KMT5B: variants seen among roughly 807,000 people sequenced by gnomAD.
The protein encoded by KMT5B is lysine methyltransferase 5B, also known as histone-lysine N-methyltransferase KMT5B.
In KMT5B, 10 loss-of-function variants were observed where a neutral mutation model predicts 83.2. That is an observed-to-expected ratio of 0.12 (90% CI 0.07 to 0.20). KMT5B has a LOEUF of 0.20. KMT5B is among the 10% of genes least tolerant of loss of function. The pLI, the probability that KMT5B is intolerant of heterozygous loss-of-function variation, is 1.00. For missense variants in KMT5B, 753 were observed against 1,067.2 expected (o/e 0.71, Z 4.10); for synonymous variants, 349 against 388.8 (o/e 0.90, Z 1.20).
chr11:68,201,533 T>TA (rs1361673821), intron 1 of KMT5B, among the ~76,000 whole-genome samples: 1 of 152,056 alleles, frequency 6.6e-6, no homozygotes, highest in East Asian at 1.9e-4. Context: ...CATTTTTACT[T>TA]AAACACAGGC....
In KMT5B at chr11:68,156,385, TAATTA is replaced by T. The variant is rs1565210297; in HGVS notation, c.*1298_*1302del. ...AGTAATAAAAATTTGCTCATTAAGT[TAATTA>T]AAATTAATTTCTCAAAGTGCTTCAA... On this transcript the variant is annotated 3_prime_UTR_variant, in exon 11 of 11. Transcript: ENST00000304363. The T allele has an allele frequency of 6.6e-6, 1 of 152,596 alleles. No homozygotes were observed. Among genetic ancestry groups the T allele is most frequent in the East Asian group, 1.9e-4 (1 of 5,200 alleles). The allele number at this position is 152,596 out of a possible 1,614,324, so 9.5% of individuals were successfully genotyped here.
At chr11:68,188,025 T>TC (rs1857605250) in intron 2 of KMT5B, among the ~76,000 whole-genome samples, 1 of 151,078 alleles carries the variant, frequency 6.6e-6, no homozygotes, top group Non-Finnish European at 1.5e-5. Flanking sequence ...TTTTCCTTTT[T>TC]CTTTTTTTTT....
chr11:68,170,971 T>A, intron 9 of KMT5B, 44 bp downstream of exon 9: 1 of 1,549,976 alleles, frequency 6.5e-7, no homozygotes, highest in Non-Finnish European at 8.7e-7. Flanking sequence ...AATCAGGTTG[T>A]TAACAAAAAA....
chr11:68,174,935 A>G, intron 5 of KMT5B, 83 bp downstream of exon 5: 1 of 1,209,218 alleles, frequency 8.3e-7, no homozygotes, highest in Non-Finnish European at 1.2e-6. Context: ...TTAAAATTTC[A>G]GTATTAACTA....
Position 68,157,015 on chromosome 11 carries a change from C to T in KMT5B, c.*673G>A, listed in dbSNP as rs552197711. On this transcript the variant is annotated 3_prime_UTR_variant, in exon 11 of 11. Transcript: ENST00000304363. ...TAATTTACATGACAAGCAATAAATA[C>T]GCTGTATCGAACCTCATCCCACACA... 7.9e-5 allele frequency: 12 copies of T among 151,710 alleles called. No homozygotes were observed. The South Asian group carries it at 8.3e-4, about 11-fold the overall frequency. 9.4% of individuals were successfully genotyped at this position (151,710 alleles called of 1,614,324 possible).
intron 10 of KMT5B, chr11:68,166,674 C>G: frequency 8.8e-7 from 1 of 1,141,026 alleles, no homozygotes; most frequent in Non-Finnish European, 1.1e-6. Context: ...TTAGCGACAT[C>G]ATCACAGTCT....
intron 10 of KMT5B, among the ~76,000 whole-genome samples, chr11:68,164,063 C>T (rs1165301741): frequency 6.6e-6 from 1 of 152,100 alleles, no homozygotes; most frequent in Non-Finnish European, 1.5e-5. Flanking sequence ...GCCCAGTCAG[C>T]GAGGCATAAG....
chr11:68,212,315 C>T (rs1861016336), intron 1 of KMT5B, among the ~76,000 whole-genome samples: 1 of 152,178 alleles, frequency 6.6e-6, no homozygotes, highest in Non-Finnish European at 1.5e-5. Context: ...CTAAGGAAAA[C>T]TCCCCCCACT....
chr11:68,212,940 C>A (rs1157839413), intron 1 of KMT5B, among the ~76,000 whole-genome samples, 198 bp downstream of exon 1: 1 of 145,444 alleles, frequency 6.9e-6, no homozygotes. Context: ...ACTGCAGGCC[C>A]CGCGCCGGCC....
chr11:68,179,638 A>G, intron 4 of KMT5B: 1 of 1,234,136 alleles, frequency 8.1e-7, no homozygotes, highest in Non-Finnish European at 1.0e-6. Flanking sequence ...GGGAACAGGA[A>G]GGGGAACAGA....
In KMT5B at chr11:68,157,642, T is replaced by G; in HGVS notation, c.*46A>C. 6.7e-7 allele frequency: 1 copy of G among 1,493,770 alleles called. No homozygotes were observed. The highest frequency in any genetic ancestry group is 8.9e-7 in the Non-Finnish European group (1 of 1,125,656). The allele number at this position is 1,493,770 out of a possible 1,614,324, so 92.5% of individuals were successfully genotyped here. On this transcript the variant is annotated 3_prime_UTR_variant, in exon 11 of 11. Transcript: ENST00000304363. ...TTGAGGAATAATTGACTGGAATTTTTTATTTCTTTAAAGTAGTTATCCCAG... is the reference window on the plus strand; with the variant it reads ...TTGAGGAATAATTGACTGGAATTTTGTATTTCTTTAAAGTAGTTATCCCAG...
chr11:68,176,033 G>A (rs1856344639), intron 4 of KMT5B, among the ~76,000 whole-genome samples: 1 of 150,478 alleles, frequency 6.6e-6, no homozygotes, highest in African/African-American at 2.4e-5. Flanking sequence ...TCTTGCCTCA[G>A]CCTCCCATGT....
chr11:68,174,880 T>C lies in KMT5B; in HGVS notation c.543+138A>G. On this transcript the variant is annotated intron_variant, in intron 5 of 10. Transcript: ENST00000304363. ...CTGGACTGTCATCCAAATGACTGTATGTGTTACAAGATCTTCAGACTGATT... is the reference window on the plus strand; with the variant it reads ...CTGGACTGTCATCCAAATGACTGTACGTGTTACAAGATCTTCAGACTGATT... 7.7e-6 allele frequency: 6 copies of C among 781,768 alleles called. No individual in the cohort carries two copies. In the South Asian group the frequency reaches 1.2e-4, roughly 16 times the overall value. The allele number at this position is 781,768 out of a possible 1,614,324, so 48.4% of individuals were successfully genotyped here.
intron 1 of KMT5B, among the ~76,000 whole-genome samples, chr11:68,193,192 T>G (rs77233802): frequency 0.027 from 4,099 of 152,316 alleles, 458 homozygotes; most frequent in Admixed American, 0.19. Flanking sequence ...CAAATGAAAC[T>G]GAGGCCACAT....
rs1170355217 is a variant in KMT5B at position 68,168,017 on chromosome 11, C to CA, written c.978-840dup. 5.3e-5 allele frequency among the ~76,000 whole-genome samples: 8 copies of CA among 151,010 alleles called. No homozygotes were observed. The East Asian group carries it at 5.8e-4, about 11-fold the overall frequency. On this transcript the variant is annotated intron_variant, in intron 9 of 10. Transcript: ENST00000304363. ...TGAAACCCTGTCTCTACTAAAAATA[C>CA]AAAAAAAAATTAGCCCGGCGTGATG...
Position 68,171,411 on chromosome 11 carries a change from G to A in KMT5B, c.820+132C>T. On this transcript the variant is annotated intron_variant, in intron 7 of 10. Coordinates refer to ENST00000304363, the MANE Select transcript of KMT5B (RefSeq NM_017635.5). The surrounding 1 kb of genome is among the most constrained non-coding windows in gnomAD (Gnocchi z 5.1). ...AAGGAATATACATTTATTTTAATAA[G>A]TTTGTGGAAACATTTCTATTTCAAA... The A allele has an allele frequency of 7.8e-7, 1 of 1,279,734 alleles. No homozygotes were observed. The highest frequency in any genetic ancestry group is 1.4e-5 in the South Asian group (1 of 70,900). 79.3% of individuals were successfully genotyped at this position (1,279,734 alleles called of 1,614,324 possible).
rs151267901 is a variant in KMT5B at position 68,158,183 on chromosome 11, A to G, written c.2163T>C (p.Arg721=). The G allele has an allele frequency of 3.0e-5, 48 of 1,614,062 alleles. No individual in the cohort carries two copies. The African/African-American group carries it at 6.1e-4, about 21-fold the overall frequency. ...NNSGIPKLTL[R]RRHDSSSKTN... is the part of the protein sequence containing the mutation. ...TTTTGCTGCTGCTATCATGACGCCTACGAAGAGTCAATTTGGGAATCCCAG... is the reference window on the plus strand; with the variant it reads ...TTTTGCTGCTGCTATCATGACGCCTGCGAAGAGTCAATTTGGGAATCCCAG... Residue 721 remains arginine, a synonymous_variant, in exon 11 of 11, where the codon CGT becomes CGC. Coordinates refer to ENST00000304363, the MANE Select transcript of KMT5B (RefSeq NM_017635.5).
intron 4 of KMT5B, chr11:68,179,357 C>T: frequency 2.0e-6 from 2 of 1,014,526 alleles, no homozygotes; most frequent in Admixed American, 2.9e-5. Context: ...TCTATTTTTT[C>T]TCTTTTTACA....
chr11:68,188,551 T>C (rs1857687719), intron 2 of KMT5B, among the ~76,000 whole-genome samples: 1 of 151,904 alleles, frequency 6.6e-6, no homozygotes, highest in African/African-American at 2.4e-5. Context: ...AGACACAGGG[T>C]TTCACCATGT....
Sources: gnomAD v4.1 joint callset for allele counts (sites outside exome capture counted in the v4.1 genomes callset) on GRCh38, gnomAD v4.1.1 for gene constraint, Gnocchi (gnomAD v3.1) non-coding constraint, MANE v1.5 for transcripts, NCBI Gene and HGNC (gene_info 2026-07-23, HGNC 2026-07-21) for gene names.